The following UGP2 variants were observed in gnomAD, a reference collection of about 807,000 sequenced individuals.
UGP2 encodes UTP--glucose-1-phosphate uridylyltransferase.
In UGP2, 40 loss-of-function variants were observed where a neutral mutation model predicts 49.0. The observed-to-expected ratio is 0.82, with a 90% CI of 0.63 to 1.06. The LOEUF (loss-of-function observed/expected upper bound fraction) is 1.06, where lower values mean the gene tolerates loss of function less well. UGP2 is among the 50% of genes least tolerant of loss of function. UGP2 has a pLI of 0.00. For synonymous variants in UGP2, 225 were observed against 213.0 expected (o/e 1.06, Z -0.49); for missense variants, 460 against 603.5 (o/e 0.76, Z 2.49).
At chr2:63,887,334 C>G in intron 7 of UGP2, 68 bp from the exon 8 acceptor site, 2 of 1,570,066 alleles carry the variant, frequency 1.3e-6, no homozygotes, top group South Asian at 1.2e-5. Context: ...ATTAACTAAC[C>G]TACATGGAAC....
chr2:63,885,820 C>G lies in UGP2; in HGVS notation c.807C>G (p.Asn269Lys). Residue 269 changes from asparagine to lysine, a missense_variant, in exon 6 of 10, where the codon AAC becomes AAG. Physicochemically the swap from Asn to Lys is moderately conservative, Grantham distance 94. Coordinates refer to ENST00000337130, the MANE Select transcript of UGP2 (RefSeq NM_006759.4). ...VDLYILNHLMNPPNGKRCEFV... is the reference protein window; with the variant it reads ...VDLYILNHLMKPPNGKRCEFV... ...TGTATATTCTTAATCATCTAATGAACCCACCCAATGGAAAACGCTGTGAAT... is the reference window on the plus strand; with the variant it reads ...TGTATATTCTTAATCATCTAATGAAGCCACCCAATGGAAAACGCTGTGAAT... The G allele has an allele frequency of 6.2e-7, 1 of 1,607,984 alleles. No individual in the cohort carries two copies. Among genetic ancestry groups the G allele is most frequent in the Non-Finnish European group, 8.5e-7 (1 of 1,177,722 alleles).
At chr2:63,864,651 A>G (rs1324619906) in intron 3 of UGP2, among the ~76,000 whole-genome samples, 2 of 152,184 alleles carry the variant, frequency 1.3e-5, no homozygotes, top group Non-Finnish European at 2.9e-5. Context: ...CCGCATTCCT[A>G]ATCACTATGA....
chr2:63,884,228 G>A, intron 5 of UGP2, 135 bp downstream of exon 5: 1 of 1,055,450 alleles, frequency 9.5e-7, no homozygotes, highest in Non-Finnish European at 1.3e-6. Flanking sequence ...GCCCATAAAA[G>A]CTGAGCATTT....
chr2:63,870,735 G>A (rs1208456746), intron 3 of UGP2, among the ~76,000 whole-genome samples: 2 of 152,208 alleles, frequency 1.3e-5, no homozygotes, highest in Non-Finnish European at 2.9e-5. Context: ...GAGCTAACCT[G>A]TTCGTTTAAA....
intron 1 of UGP2, among the ~76,000 whole-genome samples, chr2:63,843,712 T>A (rs570196908): frequency 5.3e-5 from 8 of 152,176 alleles, no homozygotes; most frequent in Non-Finnish European, 1.2e-4. Flanking sequence ...AAAAAAACTT[T>A]TTATATTTTG....
chr2:63,842,025 A>G lies in UGP2; in HGVS notation c.-161A>G, dbSNP rs924262836. 5 of 779,448 alleles carry G rather than the reference A, an allele frequency of 6.4e-6. No individual in the cohort carries two copies. The African/African-American group carries it at 8.9e-5, about 14-fold the overall frequency. 48.3% of individuals were successfully genotyped at this position (779,448 alleles called of 1,614,324 possible). ...TCTTTCTTTTCTTTTTTCTTGAGCCAGTTTTAATCGCTTTGAATAAATACT... is the reference window on the plus strand; with the variant it reads ...TCTTTCTTTTCTTTTTTCTTGAGCCGGTTTTAATCGCTTTGAATAAATACT... On this transcript the variant is annotated 5_prime_UTR_variant, in exon 1 of 10. Transcript: ENST00000337130.
intron 3 of UGP2, among the ~76,000 whole-genome samples, chr2:63,866,664 A>G (rs1438783060): frequency 1.3e-5 from 2 of 152,334 alleles, no homozygotes; most frequent in African/African-American, 4.8e-5. Flanking sequence ...AACGTGCTCT[A>G]AGAACTATAA....
chr2:63,864,716 C>CT (rs1336172267), intron 3 of UGP2, among the ~76,000 whole-genome samples: 2 of 152,224 alleles, frequency 1.3e-5, no homozygotes, highest in Admixed American at 1.3e-4. Context: ...ACTTGAAAGT[C>CT]TTTAAAGTAT....
chr2:63,842,358 G>A (rs1314370200), intron 1 of UGP2, 154 bp downstream of exon 1: 1 of 1,602,494 alleles, frequency 6.2e-7, no homozygotes, highest in African/African-American at 1.3e-5. Flanking sequence ...GCTGCCTTGA[G>A]CTGCTGGGTT....
intron 1 of UGP2, 173 bp from the exon 2 acceptor site, chr2:63,856,131 CTG>C: frequency 1.5e-6 from 1 of 652,898 alleles, no homozygotes; most frequent in South Asian, 2.3e-5. Flanking sequence ...GAATATGAAA[CTG>C]GAGTGAAACG....
At chr2:63,841,577 G>C (rs1226616283), upstream of UGP2, 1 of 152,332 alleles carries the variant, frequency 6.6e-6, no homozygotes, top group Admixed American at 6.5e-5. Flanking sequence ...CGGTCGGCCA[G>C]CCAGAGCGTG....
At chr2:63,842,591 A>G (rs1671642786) in intron 1 of UGP2, 3 of 1,477,562 alleles carry the variant, frequency 2.0e-6, no homozygotes, top group East Asian at 5.0e-5. Context: ...GAGGACTGAG[A>G]AAAGCCGGGT....
intron 1 of UGP2, among the ~76,000 whole-genome samples, chr2:63,850,241 CTT>C (rs888659155): frequency 6.6e-6 from 1 of 151,958 alleles, no homozygotes; most frequent in Non-Finnish European, 1.5e-5. Context: ...TAGCAAAAAT[CTT>C]TTTTAGCGAG....
chr2:63,843,516 G>T (rs2104231090), intron 1 of UGP2, among the ~76,000 whole-genome samples: 1 of 152,322 alleles, frequency 6.6e-6, no homozygotes. Flanking sequence ...CTCTTTAAAA[G>T]TTAGAAATAT....
chr2:63,874,058 C>A (rs879538613), intron 3 of UGP2, among the ~76,000 whole-genome samples: 4 of 152,188 alleles, frequency 2.6e-5, no homozygotes, highest in Non-Finnish European at 5.9e-5. Context: ...TAATTCACTT[C>A]TAGTTAATCA....
chr2:63,872,697 C>T (rs979703366), intron 3 of UGP2, among the ~76,000 whole-genome samples: 1 of 150,690 alleles, frequency 6.6e-6, no homozygotes, highest in Non-Finnish European at 1.5e-5. Context: ...AATCGGGTCA[C>T]GGAGGAAACA....
intron 5 of UGP2, among the ~76,000 whole-genome samples, chr2:63,884,432 T>C (rs1485727447): frequency 6.6e-6 from 1 of 152,212 alleles, no homozygotes; most frequent in East Asian, 1.9e-4. Context: ...ACCTTTCCTA[T>C]GGAAAGGAAT....
intron 1 of UGP2, among the ~76,000 whole-genome samples, chr2:63,852,462 CT>C (rs1012835144): frequency 1.3e-5 from 2 of 152,228 alleles, no homozygotes; most frequent in African/African-American, 4.8e-5. Context: ...TGCTTTCATA[CT>C]TTCATTAGCT....
At chr2:63,873,266 A>G (rs1176653423) in intron 3 of UGP2, among the ~76,000 whole-genome samples, 1 of 152,246 alleles carries the variant, frequency 6.6e-6, no homozygotes, top group African/African-American at 2.4e-5. Flanking sequence ...TATGCACGTA[A>G]TCATCTCAAA....
Sources: gnomAD v4.1 joint callset for allele counts (sites outside exome capture counted in the v4.1 genomes callset) on GRCh38, gnomAD v4.1.1 for gene constraint, MANE v1.5 for transcripts, NCBI Gene and HGNC (gene_info 2026-07-23, HGNC 2026-07-21) for gene names.